The following NRXN3 variants were observed in gnomAD, a reference collection of about 807,000 sequenced individuals.
NRXN3 encodes the protein neurexin 3.
A neutral mutation model predicts 137.6 loss-of-function variants in NRXN3; 32 were observed. The ratio of observed to expected loss-of-function variants is 0.23; its 90% CI spans 0.18 to 0.31. The LOEUF is 0.31. NRXN3 is among the 10% of genes least tolerant of loss of function. NRXN3 has a pLI of 1.00. For synonymous variants in NRXN3, 798 were observed against 784.5 expected, an observed-to-expected ratio of 1.02 and a Z score of -0.29; for missense variants, 1,574 against 2,062.5, an observed-to-expected ratio of 0.76 and a Z score of 4.59.
At chr14:79,466,884 T>A (rs1308586383) in intron 15 of NRXN3, among the ~76,000 whole-genome samples, 1 of 152,182 alleles carries the variant, frequency 6.6e-6, no homozygotes, top group Non-Finnish European at 1.5e-5. Context: ...TTAAGCCTAC[T>A]GTTGAGGAAG....
intron 4 of NRXN3, among the ~76,000 whole-genome samples, chr14:78,323,055 G>A (rs2079584812): frequency 6.6e-6 from 1 of 152,184 alleles, no homozygotes; most frequent in Non-Finnish European, 1.5e-5. Flanking sequence ...TGTTATAGGA[G>A]AGGAGATTGA....
At chr14:78,461,275 C>A (rs2052202) in intron 4 of NRXN3, among the ~76,000 whole-genome samples, 151,752 of 152,310 alleles carry the variant, frequency 1, 75,602 homozygotes, top group Middle Eastern at 1. Flanking sequence ...GCATATTGTC[C>A]TTACAGAATT....
At chr14:79,519,858 A>AT (rs967474863) in intron 16 of NRXN3, among the ~76,000 whole-genome samples, 4 of 149,738 alleles carry the variant, frequency 2.7e-5, no homozygotes, top group Non-Finnish European at 4.4e-5. Flanking sequence ...TCTTAAAAAG[A>AT]TTTTTTTAAT....
intron 4 of NRXN3, among the ~76,000 whole-genome samples, chr14:78,611,125 C>A (rs1055990059): frequency 2.0e-5 from 3 of 152,112 alleles, no homozygotes; most frequent in African/African-American, 7.2e-5. Context: ...TCCATGGCAA[C>A]GTGAAGACAG....
At chr14:79,207,189 C>T (rs1468885311) in intron 15 of NRXN3, among the ~76,000 whole-genome samples, 4 of 152,144 alleles carry the variant, frequency 2.6e-5, no homozygotes, top group East Asian at 1.9e-4. Flanking sequence ...CCTTGGGTTA[C>T]GGTTCTCAGT....
chr14:78,705,504 C>T (rs1047669191), intron 6 of NRXN3, among the ~76,000 whole-genome samples: 1 of 152,146 alleles, frequency 6.6e-6, no homozygotes, highest in East Asian at 1.9e-4. Flanking sequence ...GGTAGATAAA[C>T]CTTCACAGAA....
At chr14:78,526,311 C>A (rs1267468751) in intron 4 of NRXN3, among the ~76,000 whole-genome samples, 1 of 152,194 alleles carries the variant, frequency 6.6e-6, no homozygotes, top group African/African-American at 2.4e-5. Flanking sequence ...AAATCTCTCT[C>A]TCTTGACTTT....
intron 14 of NRXN3, among the ~76,000 whole-genome samples, chr14:78,987,585 C>T (rs76339798): frequency 0.02 from 3,024 of 151,696 alleles, 82 homozygotes; most frequent in African/African-American, 0.054. Flanking sequence ...TTTTATGTCA[C>T]GAAGTAGATA....
chr14:79,246,830 G>C (rs1421075991), intron 15 of NRXN3: 1 of 152,094 alleles, frequency 6.6e-6, no homozygotes, highest in South Asian at 2.1e-4. Flanking sequence ...AAAATTATTA[G>C]CTACTCTTGG....
At chr14:78,835,287 C>T (rs1022748362) in intron 10 of NRXN3, among the ~76,000 whole-genome samples, 2 of 152,200 alleles carry the variant, frequency 1.3e-5, no homozygotes, top group African/African-American at 4.8e-5. Context: ...GGGATTTACG[C>T]ACTTCACTAA....
chr14:79,280,064 G>C (rs1023543578), intron 15 of NRXN3: 28 of 1,350,752 alleles, frequency 2.1e-5, no homozygotes, highest in Non-Finnish European at 2.6e-5. Context: ...CTAAATTTCA[G>C]CTCCGGGAAA....
chr14:78,350,952 C>T (rs1167360334), intron 4 of NRXN3, among the ~76,000 whole-genome samples: 1 of 142,268 alleles, frequency 7.0e-6, no homozygotes, highest in Non-Finnish European at 1.5e-5. Context: ...TTATGTACTT[C>T]AGATCTATTT....
intron 4 of NRXN3, among the ~76,000 whole-genome samples, chr14:78,539,013 C>A (rs529813380): frequency 1.2e-4 from 18 of 152,044 alleles, no homozygotes; most frequent in Admixed American, 9.2e-4. Flanking sequence ...GGATTCAGTT[C>A]GAAAGTATTT....
intron 17 of NRXN3, among the ~76,000 whole-genome samples, chr14:79,668,204 A>G (rs753134681): frequency 2.6e-5 from 4 of 152,150 alleles, no homozygotes; most frequent in African/African-American, 7.2e-5. Context: ...AGGATGCTAC[A>G]TTAGAAAACT....
At chr14:78,372,205 T>G (rs1418491542) in intron 4 of NRXN3, among the ~76,000 whole-genome samples, 1 of 152,124 alleles carries the variant, frequency 6.6e-6, no homozygotes, top group Non-Finnish European at 1.5e-5. Flanking sequence ...TTTTTTCCTG[T>G]GGATATAATC....
intron 16 of NRXN3, among the ~76,000 whole-genome samples, chr14:79,571,803 T>C (rs1602285064): frequency 6.6e-6 from 1 of 152,270 alleles, no homozygotes; most frequent in East Asian, 1.9e-4. Context: ...TCTAGAGAAC[T>C]AAGAATACTT....
At chr14:79,190,274 C>T (rs553987468) in intron 15 of NRXN3, among the ~76,000 whole-genome samples, 1 of 152,154 alleles carries the variant, frequency 6.6e-6, no homozygotes, top group Admixed American at 6.5e-5. Context: ...TCAGGTCTTT[C>T]TCATTTAACT....
At chr14:78,201,481 T>A (rs1487686921) in intron 1 of NRXN3, among the ~76,000 whole-genome samples, 1 of 152,158 alleles carries the variant, frequency 6.6e-6, no homozygotes, top group Non-Finnish European at 1.5e-5. Flanking sequence ...GCACCCAGCC[T>A]GCTCACGTTC....
intron 19 of NRXN3, among the ~76,000 whole-genome samples, chr14:79,793,058 T>G (rs1179626386): frequency 6.6e-6 from 1 of 152,090 alleles, no homozygotes; most frequent in South Asian, 2.1e-4. Context: ...AGTGGGAGCA[T>G]GTGCATTAAA....
Sources: allele counts gnomAD v4.1 joint callset (sites outside exome capture counted in the v4.1 genomes callset), GRCh38; gene constraint gnomAD v4.1.1; transcripts MANE v1.5; gene names NCBI Gene and HGNC (gene_info 2026-07-23, HGNC 2026-07-21).